Variants in BABAM2 observed in about 807,000 individuals in gnomAD.
BABAM2 encodes the protein BRISC and BRCA1-A complex member 2.
A neutral mutation model predicts 54.7 loss-of-function variants in BABAM2; 31 were observed. That is an observed-to-expected ratio of 0.57 (90% CI 0.43 to 0.77). The LOEUF (loss-of-function observed/expected upper bound fraction) is 0.77. Ranked by LOEUF, BABAM2 falls within the 30% of genes least tolerant of loss-of-function variation. The pLI is 0.00. For missense variants in BABAM2, 364 were observed against 455.8 expected, an observed-to-expected ratio of 0.80 and a Z score of 1.83; for synonymous variants, 167 against 162.9, an observed-to-expected ratio of 1.03 and a Z score of -0.19.
At chr2:28,098,073 CAT>C (rs1202150658) in intron 6 of BABAM2, among the ~76,000 whole-genome samples, 7 of 152,208 alleles carry the variant, frequency 4.6e-5, no homozygotes, top group Non-Finnish European at 8.8e-5. Flanking sequence ...TTTTCCAACA[CAT>C]GTTTTAGTAC....
intron 6 of BABAM2, among the ~76,000 whole-genome samples, chr2:28,047,740 A>G (rs989613821): frequency 1.3e-5 from 2 of 152,234 alleles, no homozygotes; most frequent in Non-Finnish European, 2.9e-5. Flanking sequence ...TCTTCTATAG[A>G]TAAAATATCT....
chr2:28,193,984 G>A (rs1315973305), intron 7 of BABAM2, among the ~76,000 whole-genome samples: 1 of 152,184 alleles, frequency 6.6e-6, no homozygotes, highest in African/African-American at 2.4e-5. Flanking sequence ...TGAGGGGCTC[G>A]AGAGCACCTG....
chr2:28,082,554 G>T (rs971673030), intron 6 of BABAM2, among the ~76,000 whole-genome samples: 2 of 152,172 alleles, frequency 1.3e-5, no homozygotes, highest in African/African-American at 4.8e-5. Context: ...GTGTTAAGTT[G>T]TGAGGATGAA....
intron 9 of BABAM2, among the ~76,000 whole-genome samples, chr2:28,241,973 C>T (rs796320427): frequency 7.3e-5 from 11 of 150,216 alleles, no homozygotes; most frequent in African/African-American, 2.0e-4. Context: ...ATGGTGGTAA[C>T]GGTCACTTTT....
chr2:28,189,072 G>A (rs1419328772), intron 7 of BABAM2, among the ~76,000 whole-genome samples: 1 of 151,970 alleles, frequency 6.6e-6, no homozygotes, highest in Admixed American at 6.6e-5. Context: ...ATGGTGGTGC[G>A]TGCCTGTAAT....
At chr2:28,326,889 C>T (rs1389589957) in intron 11 of BABAM2, among the ~76,000 whole-genome samples, 2 of 151,372 alleles carry the variant, frequency 1.3e-5, no homozygotes, top group East Asian at 3.9e-4. Context: ...CTTCCCCTTC[C>T]TTGTAATGTT....
chr2:28,145,297 A>G lies in BABAM2; in HGVS notation c.680+15917A>G, dbSNP rs1671398208. 2.0e-5 allele frequency among the ~76,000 whole-genome samples: 3 copies of G among 152,192 alleles called. No homozygotes were observed. The South Asian group carries it at 6.2e-4, about 32-fold the overall frequency. On this transcript the variant is annotated intron_variant, in intron 7 of 11. Transcript: ENST00000379624. ...TCCTTTGTCTCAGCCCTTGCTGTTT[A>G]AATCTAGACCCTTACATTTTTCAGC...
intron 11 of BABAM2, chr2:28,308,712 A>G (rs964040680): frequency 2.0e-5 from 5 of 244,066 alleles, no homozygotes; most frequent in African/African-American, 1.1e-4. Flanking sequence ...TACTCTTTTC[A>G]CCATGTGTCT....
chr2:28,034,501 G>A (rs1234610474), intron 5 of BABAM2, among the ~76,000 whole-genome samples: 1 of 152,162 alleles, frequency 6.6e-6, no homozygotes. Context: ...TTCAATGATT[G>A]TTCCTGTAGG....
At chr2:28,173,582 C>T (rs55698157) in intron 7 of BABAM2, among the ~76,000 whole-genome samples, 11,857 of 152,284 alleles carry the variant, frequency 0.078, 658 homozygotes, top group African/African-American at 0.16. Flanking sequence ...GGCCGTTGAG[C>T]GCAGCAGGGA....
intron 7 of BABAM2, among the ~76,000 whole-genome samples, chr2:28,181,929 G>T (rs1675683910): frequency 6.6e-6 from 1 of 152,144 alleles, no homozygotes; most frequent in African/African-American, 2.4e-5. Flanking sequence ...GCAGAAGGAG[G>T]TGTCAGAGTG....
chr2:27,917,192 AT>A (rs1300487197), intron 2 of BABAM2, among the ~76,000 whole-genome samples: 1 of 151,264 alleles, frequency 6.6e-6, no homozygotes, highest in Non-Finnish European at 1.5e-5. Flanking sequence ...TAATTTTTGT[AT>A]TTTTAGTAGA....
At chr2:28,228,475 T>C (rs1170190660) in intron 7 of BABAM2, among the ~76,000 whole-genome samples, 1 of 152,190 alleles carries the variant, frequency 6.6e-6, no homozygotes, top group African/African-American at 2.4e-5. Context: ...TTAAAGGTAA[T>C]TCATAGGAAA....
chr2:28,231,462 T>A (rs1681377351), intron 7 of BABAM2, among the ~76,000 whole-genome samples: 1 of 152,218 alleles, frequency 6.6e-6, no homozygotes, highest in Non-Finnish European at 1.5e-5. Flanking sequence ...CACACATTGC[T>A]TTAGGATTTC....
At chr2:28,187,040 C>T (rs561113506) in intron 7 of BABAM2, among the ~76,000 whole-genome samples, 11 of 152,284 alleles carry the variant, frequency 7.2e-5, no homozygotes, top group Non-Finnish European at 1.5e-5. Context: ...CTCCTGACCT[C>T]GTGATCTGTC....
At chr2:28,044,099 T>C (rs966286038) in intron 5 of BABAM2, among the ~76,000 whole-genome samples, 1 of 152,192 alleles carries the variant, frequency 6.6e-6, no homozygotes, top group Non-Finnish European at 1.5e-5. Context: ...TTGGTGTAAG[T>C]TAAAAGATGC....
At chr2:28,110,840 C>A (rs1667942065) in intron 6 of BABAM2, among the ~76,000 whole-genome samples, 1 of 152,000 alleles carries the variant, frequency 6.6e-6, no homozygotes, top group Non-Finnish European at 1.5e-5. Flanking sequence ...CACAAGTGCT[C>A]CAGTTTCTTG....
chr2:28,245,425 T>A (rs941933706), intron 10 of BABAM2, among the ~76,000 whole-genome samples: 1 of 152,260 alleles, frequency 6.6e-6, no homozygotes, highest in Non-Finnish European at 1.5e-5. Flanking sequence ...AATGTTTTAA[T>A]GTATCCCCAA....
At position 28,261,816 on chromosome 2, in the gene BABAM2, GACCTGACC is replaced by G. The variant is rs369567705; in HGVS notation, c.934+16955_934+16962del. Among the ~76,000 whole-genome samples the G allele has an allele frequency of 8.5e-3, 1,021 of 120,816 alleles. 14 individuals carry two copies. The highest frequency in any genetic ancestry group is 0.062 in the South Asian group (212 of 3,408). The allele number at this position is 120,816 out of a possible 152,430, so 79.3% of individuals were successfully genotyped here. ...CTTCCCTCCCTTCCAGTGGCCTCCA[GACCTGACC>G]TATGCAATACTTTATTCATTTATAT... On this transcript the variant is annotated intron_variant, in intron 10 of 11. Transcript: ENST00000379624.
Sources: allele counts gnomAD v4.1 joint callset (sites outside exome capture counted in the v4.1 genomes callset), GRCh38; gene constraint gnomAD v4.1.1; transcripts MANE v1.5; gene names NCBI Gene and HGNC (gene_info 2026-07-23, HGNC 2026-07-21).